The following PTPN12 variants were observed in gnomAD, a reference collection of about 807,000 sequenced individuals.
PTPN12 encodes the protein protein tyrosine phosphatase non-receptor type 12, also known as tyrosine-protein phosphatase non-receptor type 12.
In PTPN12, 29 loss-of-function variants were observed where a neutral mutation model predicts 97.6. That is an observed-to-expected ratio of 0.30 (90% CI 0.22 to 0.41). The LOEUF is 0.41. Among genes scored for constraint, PTPN12 ranks in the 10% least tolerant of loss-of-function variants. The pLI is 1.00. For missense variants in PTPN12, 819 were observed against 926.0 expected (o/e 0.88, Z 1.50); for synonymous variants, 327 against 300.4 (o/e 1.09, Z -0.91).
chr7:77,555,810 G>A (rs1226601296), intron 1 of PTPN12, among the ~76,000 whole-genome samples: 2 of 151,992 alleles, frequency 1.3e-5, no homozygotes, highest in East Asian at 3.9e-4. Context: ...AGCTACTGGG[G>A]AGGCTGAGGC....
At chr7:77,636,536 C>T (rs1171067527) in intron 15 of PTPN12, among the ~76,000 whole-genome samples, 6 of 152,138 alleles carry the variant, frequency 3.9e-5, no homozygotes, top group African/African-American at 7.2e-5. Flanking sequence ...GAGCCATGAT[C>T]ACACCACTGC....
At chr7:77,590,078 TACCTTTTACA>T (rs1386781824) in intron 5 of PTPN12, among the ~76,000 whole-genome samples, 10 of 152,350 alleles carry the variant, frequency 6.6e-5, no homozygotes, top group Admixed American at 6.5e-4. Context: ...CAGACAAACC[TACCTTTTACA>T]AGCATTTTGA....
intron 11 of PTPN12, among the ~76,000 whole-genome samples, chr7:77,616,996 T>C (rs1788774341): frequency 6.6e-6 from 1 of 152,148 alleles, no homozygotes; most frequent in African/African-American, 2.4e-5. Flanking sequence ...TGGCCAAGGC[T>C]GGTCTCGAAC....
intron 1 of PTPN12, among the ~76,000 whole-genome samples, chr7:77,559,699 A>T (rs1413979507): frequency 6.6e-6 from 1 of 152,224 alleles, no homozygotes; most frequent in Non-Finnish European, 1.5e-5. Context: ...AAACTTACTG[A>T]ACTAAATGTG....
intron 1 of PTPN12, among the ~76,000 whole-genome samples, chr7:77,538,428 A>T (rs1584075355): frequency 1.7e-5 from 2 of 119,936 alleles, no homozygotes; most frequent in South Asian, 2.6e-4. Flanking sequence ...TGTGACTATC[A>T]CTTCCTATCC....
rs746884119 is a variant in PTPN12 at position 77,600,810 on chromosome 7, C to CA, written c.695+8dup. ...TTCCTATTTGTATTCATTGCAGGTACAAAAGAATTTCCCAAGTTTATAAAT... is the reference window on the plus strand; with the variant it reads ...TTCCTATTTGTATTCATTGCAGGTACAAAAAGAATTTCCCAAGTTTATAAAT... On this transcript the variant is annotated splice_donor_region_variant and intron_variant, in intron 8 of 17. Transcript: ENST00000248594. 24 of 1,579,758 alleles carry CA rather than the reference C, an allele frequency of 1.5e-5. No individual in the cohort carries two copies. Among genetic ancestry groups the CA allele is most frequent in the Non-Finnish European group, 2.6e-6 (3 of 1,166,782 alleles).
At chr7:77,611,995 TTTGTAGAA>T (rs1175663350) in intron 11 of PTPN12, among the ~76,000 whole-genome samples, 1 of 152,098 alleles carries the variant, frequency 6.6e-6, no homozygotes, top group African/African-American at 2.4e-5. Context: ...TTTTTTTTTT[TTTGTAGAA>T]TTTGTTTACA....
intron 8 of PTPN12, among the ~76,000 whole-genome samples, chr7:77,604,379 T>C (rs1788292007): frequency 1.3e-5 from 2 of 151,232 alleles, no homozygotes; most frequent in Non-Finnish European, 3.0e-5. Flanking sequence ...CCACACCCGG[T>C]TAATTTTATA....
chr7:77,614,330 T>A (rs529916882), intron 11 of PTPN12, among the ~76,000 whole-genome samples: 6 of 152,376 alleles, frequency 3.9e-5, no homozygotes, highest in African/African-American at 1.4e-4. Flanking sequence ...AATCCTTTTT[T>A]AATATCCTGA....
chr7:77,561,800 A>C (rs569961514), intron 1 of PTPN12, among the ~76,000 whole-genome samples: 57 of 151,578 alleles, frequency 3.8e-4, no homozygotes, highest in Non-Finnish European at 5.2e-4. Context: ...TTATTTATTT[A>C]TTTATTTTTG....
intron 1 of PTPN12, among the ~76,000 whole-genome samples, chr7:77,543,693 G>A (rs573310284): frequency 4.6e-5 from 7 of 152,066 alleles, no homozygotes; most frequent in African/African-American, 1.4e-4. Flanking sequence ...ATAAGCCCCA[G>A]GCAACCACAA....
chr7:77,589,787 G>T (rs1181379915), intron 5 of PTPN12, among the ~76,000 whole-genome samples: 2 of 152,090 alleles, frequency 1.3e-5, no homozygotes, highest in Admixed American at 6.5e-5. Context: ...TTGTCTAAGA[G>T]AATTTAAATG....
intron 14 of PTPN12, among the ~76,000 whole-genome samples, 155 bp from the exon 15 acceptor site, chr7:77,635,627 T>A (rs912813277): frequency 1.9e-4 from 29 of 152,022 alleles, no homozygotes; most frequent in African/African-American, 3.4e-4. Flanking sequence ...TTTTTTTTTT[T>A]AGAAACTTCA....
At chr7:77,563,419 A>C (rs1397762858) in intron 1 of PTPN12, among the ~76,000 whole-genome samples, 1 of 152,226 alleles carries the variant, frequency 6.6e-6, no homozygotes, top group African/African-American at 2.4e-5. Flanking sequence ...ATTACTGTAC[A>C]CTGGGATATG....
At chr7:77,614,578 A>C (rs554769718) in intron 11 of PTPN12, among the ~76,000 whole-genome samples, 27 of 152,338 alleles carry the variant, frequency 1.8e-4, no homozygotes, top group African/African-American at 6.5e-4. Context: ...GTAAAAAAAA[A>C]CAGAAGAAAA....
chr7:77,545,488 A>G (rs935303587), intron 1 of PTPN12, among the ~76,000 whole-genome samples: 29 of 152,060 alleles, frequency 1.9e-4, no homozygotes, highest in African/African-American at 7.0e-4. Flanking sequence ...TTGAAAGTCA[A>G]TTCAAAACAT....
At chr7:77,552,971 G>A (rs1016830552) in intron 1 of PTPN12, among the ~76,000 whole-genome samples, 4 of 152,202 alleles carry the variant, frequency 2.6e-5, no homozygotes, top group African/African-American at 9.6e-5. Context: ...TAAATAAATA[G>A]GAGGGGAAAA....
At chr7:77,601,939 A>T (rs926512524) in intron 8 of PTPN12, among the ~76,000 whole-genome samples, 1 of 152,222 alleles carries the variant, frequency 6.6e-6, no homozygotes, top group African/African-American at 2.4e-5. Flanking sequence ...TAAGGATTAC[A>T]TAAAATTCAA....
chr7:77,639,171 G>A (rs772545625), intron 17 of PTPN12, 48 bp from the exon 18 acceptor site: 2 of 1,428,558 alleles, frequency 1.4e-6, no homozygotes, highest in South Asian at 2.4e-5. Context: ...TTAGTAGTTT[G>A]AAAGTATTTC....
Sources: gnomAD v4.1 joint callset for allele counts (sites outside exome capture counted in the v4.1 genomes callset) on GRCh38, gnomAD v4.1.1 for gene constraint, MANE v1.5 for transcripts, NCBI Gene and HGNC (gene_info 2026-07-23, HGNC 2026-07-21) for gene names.